The following HECTD4 variants were observed in gnomAD, a reference collection of about 807,000 sequenced individuals.
The protein encoded by HECTD4 is HECT domain E3 ubiquitin protein ligase 4.
HECTD4 carries 114 observed loss-of-function variants against 471.5 expected under a neutral mutation model. The observed-to-expected ratio is 0.24, with a 90% CI of 0.21 to 0.28. The LOEUF (loss-of-function observed/expected upper bound fraction) is 0.28. Ranked by LOEUF, HECTD4 falls within the 10% of genes least tolerant of loss-of-function variation. The pLI is 1.00. For synonymous variants in HECTD4, 2,012 were observed against 2,256.0 expected (o/e 0.89, Z 3.07); for missense variants, 3,866 against 5,651.5 (o/e 0.68, Z 10.13).
chr12:112,373,015 G>A (rs561530452), intron 1 of HECTD4, among the ~76,000 whole-genome samples: 1 of 152,060 alleles, frequency 6.6e-6, no homozygotes, highest in Non-Finnish European at 1.5e-5. Flanking sequence ...ATAGTGCTGA[G>A]ATTACAGGCA....
chr12:112,242,532 G>C (rs763373838), intron 32 of HECTD4, among the ~76,000 whole-genome samples: 2 of 151,616 alleles, frequency 1.3e-5, no homozygotes, highest in Non-Finnish European at 2.9e-5. Context: ...AAGATCGCTT[G>C]AGCCTGGGGA....
At chr12:112,298,894 A>C (rs1359789773) in intron 7 of HECTD4, among the ~76,000 whole-genome samples, 3 of 151,752 alleles carry the variant, frequency 2.0e-5, no homozygotes, top group Non-Finnish European at 2.9e-5. Context: ...AAAAAAAAAA[A>C]AAACACAAAG....
chr12:112,336,600 ATTG>A (rs2035963236), intron 1 of HECTD4, among the ~76,000 whole-genome samples: 1 of 151,872 alleles, frequency 6.6e-6, no homozygotes, highest in Non-Finnish European at 1.5e-5. Context: ...TTAAATAATT[ATTG>A]TTAATTTTAA....
intron 1 of HECTD4, among the ~76,000 whole-genome samples, chr12:112,357,282 T>G (rs528878055): frequency 2.0e-5 from 3 of 151,618 alleles, no homozygotes; most frequent in East Asian, 3.9e-4. Context: ...AAGTGGGGGT[T>G]GGGGGGAATA....
At position 112,235,034 on chromosome 12, in the gene HECTD4, G is replaced by A; in HGVS notation, c.5915+43C>T. On this transcript the variant is annotated intron_variant, in intron 37 of 75. Transcript: ENST00000682272. This position sits in a 1 kb window ranked among gnomAD's most constrained non-coding sequence, Gnocchi z 5.0. ...ACTTAGCACAGTGCCTGTGACATGG[G>A]TGGTGCTTGAGGATGTGTAGCTATC... The A allele has an allele frequency of 2.6e-6, 4 of 1,524,928 alleles. No homozygotes were observed. Among genetic ancestry groups the A allele is most frequent in the South Asian group, 2.4e-5 (2 of 81,682 alleles). 94.5% of individuals were successfully genotyped at this position (1,524,928 alleles called of 1,614,324 possible). A position where few individuals can be genotyped will look rare whatever the true frequency, so the allele number is the denominator to read the frequency against.
chr12:112,238,658 G>T (rs1457570873), intron 34 of HECTD4, among the ~76,000 whole-genome samples: 1 of 152,030 alleles, frequency 6.6e-6, no homozygotes, highest in African/African-American at 2.4e-5. Flanking sequence ...ATTTGAGCCA[G>T]GGAGGTTGAG....
At position 112,313,144 on chromosome 12, in the gene HECTD4, C is replaced by A; in HGVS notation, c.789G>T (p.Leu263=). The A allele has an allele frequency of 6.5e-7, 1 of 1,535,340 alleles. No homozygotes were observed. Among genetic ancestry groups the A allele is most frequent in the Admixed American group, 2.0e-5 (1 of 50,966 alleles). ...SLPVADVLYR[L]LLLEGGPGSP... ...ATCCAGGCCCCCCTTCCAAAAGCAACAGCCTATATGGGGGAGAAAGAAAAT... is the reference window on the plus strand; with the variant it reads ...ATCCAGGCCCCCCTTCCAAAAGCAAAAGCCTATATGGGGGAGAAAGAAAAT... Residue 263 remains leucine, a synonymous_variant, in exon 4 of 76, where the codon CTG becomes CTT. Transcript: ENST00000682272.
rs2030662199 is a variant in HECTD4 at position 112,160,800 on chromosome 12, C to T, written c.*1587G>A. On this transcript the variant is annotated 3_prime_UTR_variant, in exon 76 of 76. Coordinates refer to ENST00000682272, the MANE Select transcript of HECTD4 (RefSeq NM_001388303.1). The stretch of plus-strand genomic sequence containing the variant: ...CCCACACTCAAAGGAGCTGTGGCCG[C>T]TGGGGAGGCAGCGGGCTGACCATCT... The T allele has an allele frequency of 6.6e-6, 1 of 152,188 alleles. No individual in the cohort carries two copies. Among genetic ancestry groups the T allele is most frequent in the Non-Finnish European group, 1.5e-5 (1 of 68,028 alleles). The allele number at this position is 152,188 out of a possible 1,614,324, so 9.4% of individuals were successfully genotyped here.
chr12:112,341,713 C>A (rs929350404), intron 1 of HECTD4, among the ~76,000 whole-genome samples: 1 of 152,170 alleles, frequency 6.6e-6, no homozygotes, highest in African/African-American at 2.4e-5. Context: ...ATTAAATGTA[C>A]CTTTCCCAGC....
intron 19 of HECTD4, 37 bp from the exon 20 acceptor site, chr12:112,258,633 A>G (rs2034078724): frequency 5.2e-6 from 8 of 1,530,140 alleles, no homozygotes; most frequent in Non-Finnish European, 7.1e-6. Flanking sequence ...TTCCAGGGCT[A>G]CTGTCAGTTA....
intron 62 of HECTD4, among the ~76,000 whole-genome samples, chr12:112,182,051 C>G (rs1319140957): frequency 6.6e-6 from 1 of 151,894 alleles, no homozygotes; most frequent in Non-Finnish European, 1.5e-5. Flanking sequence ...TGAGATTGTA[C>G]CACTGCACTC....
At chr12:112,254,627 C>CA (rs997469297) in intron 21 of HECTD4, among the ~76,000 whole-genome samples, 13 of 151,092 alleles carry the variant, frequency 8.6e-5, no homozygotes, top group South Asian at 4.2e-4. Flanking sequence ...ATAAAAGCAC[C>CA]AAAAAAAATC....
At chr12:112,258,048 G>A (rs913846057) in intron 20 of HECTD4, among the ~76,000 whole-genome samples, 13 of 152,118 alleles carry the variant, frequency 8.5e-5, no homozygotes. Flanking sequence ...AATTAGCTGG[G>A]TGTGGTGGCG....
At position 112,243,289 on chromosome 12, in the gene HECTD4, A is replaced by G; in HGVS notation, c.4958+64T>C. On this transcript the variant is annotated intron_variant, in intron 32 of 75. Transcript: ENST00000682272. This position sits in a 1 kb window ranked among gnomAD's most constrained non-coding sequence, Gnocchi z 6.6. Reference sequence around the variant, plus strand: ...TACCGCCTATGTTTGGGTCCCAAGAATAATCTTTTGAATGGCTCTGACCAT... The same window carrying G: ...TACCGCCTATGTTTGGGTCCCAAGAGTAATCTTTTGAATGGCTCTGACCAT... 1 of 1,432,232 alleles carries G rather than the reference A, an allele frequency of 7.0e-7. No homozygotes were observed. Among genetic ancestry groups the G allele is most frequent in the Non-Finnish European group, 9.5e-7 (1 of 1,047,914 alleles). The allele number at this position is 1,432,232 out of a possible 1,614,324, so 88.7% of individuals were successfully genotyped here. A position where few individuals can be genotyped will look rare whatever the true frequency, so the allele number is the denominator to read the frequency against.
At position 112,233,145 on chromosome 12, in the gene HECTD4, C is replaced by CA. The variant is rs570009569; in HGVS notation, c.5916-61dup. On this transcript the variant is annotated intron_variant, in intron 37 of 75. Transcript: ENST00000682272. ...TACAGGCACTGCCAAAAGTGGGCTG[C>CA]ATGCCATGGGGTCACCCAGTCATGG... is the stretch of plus-strand genomic sequence containing the variant. The CA allele has an allele frequency of 3.6e-5, 50 of 1,400,806 alleles. No homozygotes were observed. The South Asian group carries it at 6.1e-4, about 17-fold the overall frequency. The allele number at this position is 1,400,806 out of a possible 1,614,324, so 86.8% of individuals were successfully genotyped here.
At chr12:112,304,926 C>T (rs1172584780) in intron 7 of HECTD4, among the ~76,000 whole-genome samples, 1 of 152,086 alleles carries the variant, frequency 6.6e-6, no homozygotes, top group East Asian at 1.9e-4. Flanking sequence ...AAAATTGCTT[C>T]GGTGTTTTTG....
chr12:112,332,822 A>C lies in HECTD4; in HGVS notation c.178-13080T>G, dbSNP rs1012324136. Among the ~76,000 whole-genome samples the C allele has an allele frequency of 4.3e-4, 66 of 151,992 alleles. 1 individual carries two copies. The highest frequency in any genetic ancestry group is 1.4e-3 in the Admixed American group (22 of 15,244). On this transcript the variant is annotated intron_variant, in intron 1 of 75. Coordinates refer to ENST00000682272, the MANE Select transcript of HECTD4 (RefSeq NM_001388303.1). ...CCCCCACCCTACTGCAAAAAAAAAAAACAAAAATCCTGAACCCATTAGCAG... is the reference window on the plus strand; with the variant it reads ...CCCCCACCCTACTGCAAAAAAAAAACACAAAAATCCTGAACCCATTAGCAG...
chr12:112,325,154 A>C (rs889019443), intron 1 of HECTD4, among the ~76,000 whole-genome samples: 1 of 152,212 alleles, frequency 6.6e-6, no homozygotes, highest in African/African-American at 2.4e-5. Context: ...AATATAGCTT[A>C]GAAAAATGAC....
intron 1 of HECTD4, among the ~76,000 whole-genome samples, chr12:112,334,397 A>C (rs2035901539): frequency 6.6e-6 from 1 of 151,632 alleles, no homozygotes; most frequent in Non-Finnish European, 1.5e-5. Flanking sequence ...TCAAAAGAAG[A>C]TATACAAATG....
Sources: allele counts gnomAD v4.1 joint callset (sites outside exome capture counted in the v4.1 genomes callset), GRCh38; gene constraint gnomAD v4.1.1; non-coding constraint Gnocchi (gnomAD v3.1); transcripts MANE v1.5; gene names NCBI Gene and HGNC (gene_info 2026-07-23, HGNC 2026-07-21).